Variants in DNA2 observed in about 807,000 individuals in gnomAD.
DNA2 encodes the protein DNA replication ATP-dependent helicase/nuclease DNA2.
DNA2 carries 101 observed loss-of-function variants against 119.1 expected under a neutral mutation model. The observed-to-expected ratio is 0.85, with a 90% CI of 0.72 to 1.00. The LOEUF (loss-of-function observed/expected upper bound fraction) is 1.00, where lower values mean the gene tolerates loss of function less well. Among genes scored for constraint, DNA2 ranks in the 50% least tolerant of loss-of-function variants. The pLI, the probability that DNA2 is intolerant of heterozygous loss-of-function variation, is 0.00. For synonymous variants in DNA2, 366 were observed against 424.4 expected (o/e 0.86, Z 1.69); for missense variants, 1,121 against 1,255.5 (o/e 0.89, Z 1.62).
chr10:68,471,804 G>C lies in DNA2; in HGVS notation c.61C>G (p.Leu21Val), dbSNP rs1202792110. The change falls in exon 1 of 21, where the codon CTG (leucine) becomes GTG (valine). Residue 21 changes from leucine (L) to valine (V), a missense_variant. Physicochemically the swap from Leu to Val is conservative, Grantham distance 32 (BLOSUM62 1). Coordinates refer to ENST00000358410, the MANE Select transcript of DNA2 (RefSeq NM_001080449.3). ...MEKSFWEEAELPAELFQKKVV... is the reference protein window; with the variant it reads ...MEKSFWEEAEVPAELFQKKVV... ...CTCTCCGCTCACAGCTCCGCCGGCAGCTCCGCCTCCTCCCAAAAACTCTTC... is the reference window on the plus strand; with the variant it reads ...CTCTCCGCTCACAGCTCCGCCGGCACCTCCGCCTCCTCCCAAAAACTCTTC... The C allele has an allele frequency of 1.2e-6, 2 of 1,604,288 alleles. No homozygotes were observed. The highest frequency in any genetic ancestry group is 1.3e-5 in the African/African-American group (1 of 74,404).
In DNA2 at chr10:68,461,783, ATGCCAC is replaced by A. The variant is rs1328633493; in HGVS notation, c.588-2554_588-2549del. Among the ~76,000 whole-genome samples, 3 of 149,002 alleles carry A rather than the reference ATGCCAC, an allele frequency of 2.0e-5. No individual in the cohort carries two copies. In the Admixed American group the frequency reaches 2.1e-4, roughly 10 times the overall value. The stretch of plus-strand genomic sequence containing the variant: ...GCGGAGGTTTCGGTGAGCTGAGATC[ATGCCAC>A]TGCACTCCAGCCTGGGAAACAAGAG... On this transcript the variant is annotated intron_variant, in intron 4 of 20. Transcript: ENST00000358410.
intron 1 of DNA2, among the ~76,000 whole-genome samples, chr10:68,471,415 C>A (rs1468127496): frequency 2.0e-5 from 3 of 152,180 alleles, no homozygotes; most frequent in Non-Finnish European, 4.4e-5. Context: ...CATTTATATA[C>A]ACCATGCTGA....
At chr10:68,422,198 A>G in intron 17 of DNA2, 27 bp downstream of exon 17, 1 of 1,484,088 alleles carries the variant, frequency 6.7e-7, no homozygotes, top group Non-Finnish European at 9.0e-7. Flanking sequence ...AAAATGAGAA[A>G]AACTAAACAG....
intron 3 of DNA2, among the ~76,000 whole-genome samples, chr10:68,467,260 A>G (rs971339449): frequency 2.0e-5 from 3 of 151,776 alleles, no homozygotes; most frequent in Non-Finnish European, 4.4e-5. Context: ...ACAGGCGCGC[A>G]CCACAACGCC....
chr10:68,448,777 T>C (rs1372095944), intron 6 of DNA2, among the ~76,000 whole-genome samples: 2 of 149,504 alleles, frequency 1.3e-5, no homozygotes, highest in Admixed American at 6.7e-5. Context: ...GAAATGCTTT[T>C]ATTTATTTAT....
At chr10:68,455,370 CT>C (rs964101657) in intron 5 of DNA2, among the ~76,000 whole-genome samples, 8 of 152,274 alleles carry the variant, frequency 5.3e-5, no homozygotes, top group South Asian at 2.1e-4. Context: ...TATCCAACCC[CT>C]ATGTCAGTCT....
intron 3 of DNA2, 112 bp from the exon 4 acceptor site, chr10:68,465,924 G>A (rs1358877827): frequency 2.0e-6 from 2 of 1,010,020 alleles, no homozygotes; most frequent in African/African-American, 1.7e-5. Flanking sequence ...TAAGACAAAT[G>A]CCAAAATATT....
At chr10:68,434,551 C>T (rs1461456021) in intron 10 of DNA2, among the ~76,000 whole-genome samples, 1 of 151,820 alleles carries the variant, frequency 6.6e-6, no homozygotes, top group African/African-American at 2.4e-5. Flanking sequence ...ATGCAAGAGG[C>T]TGAGGTAGAA....
upstream of DNA2, chr10:68,472,053 C>G: frequency 6.3e-7 from 1 of 1,599,942 alleles, no homozygotes; most frequent in Non-Finnish European, 8.5e-7. Flanking sequence ...GGGCCCCTCA[C>G]CTGAGCAGCA....
rs1159435071 is a variant in DNA2, at chr10:68,431,995, A to T, written c.1874-24T>A. 4 of 1,518,444 alleles carry T rather than the reference A, an allele frequency of 2.6e-6. No homozygotes were observed. In the East Asian group the frequency reaches 9.0e-5, roughly 34 times the overall value. The allele number at this position is 1,518,444 out of a possible 1,614,324, so 94.1% of individuals were successfully genotyped here. ...ACCTACATTTAAATTCAAAAATAAC[A>T]GGAAAAAGAGTGTTGAATTTCAAAG... On this transcript the variant is annotated intron_variant, in intron 12 of 20. Coordinates refer to ENST00000358410, the MANE Select transcript of DNA2 (RefSeq NM_001080449.3).
At chr10:68,456,549 G>A (rs1286120672) in intron 5 of DNA2, among the ~76,000 whole-genome samples, 1 of 151,906 alleles carries the variant, frequency 6.6e-6, no homozygotes, top group African/African-American at 2.4e-5. Flanking sequence ...GAGTAGCTGG[G>A]ATTACAGGCA....
chr10:68,439,486 G>A (rs2051938052), intron 9 of DNA2, among the ~76,000 whole-genome samples: 1 of 152,000 alleles, frequency 6.6e-6, no homozygotes, highest in Non-Finnish European at 1.5e-5. Flanking sequence ...GGATCACCAC[G>A]AGATCAGGAG....
intron 14 of DNA2, 111 bp downstream of exon 14, chr10:68,430,325 A>T: frequency 2.7e-6 from 2 of 729,878 alleles, no homozygotes; most frequent in South Asian, 1.9e-5. Context: ...CATATAAATT[A>T]ATCATGTGCA....
intron 4 of DNA2, 132 bp from the exon 5 acceptor site, chr10:68,459,367 T>C (rs538509819): frequency 1.1e-6 from 1 of 891,130 alleles, no homozygotes; most frequent in Admixed American, 3.3e-5. Flanking sequence ...ACCCAACTGT[T>C]CGTCAGCCAA....
intron 14 of DNA2, among the ~76,000 whole-genome samples, chr10:68,423,644 G>A (rs1040711595): frequency 1.3e-5 from 2 of 152,188 alleles, no homozygotes; most frequent in African/African-American, 4.8e-5. Flanking sequence ...CTGTAACAAG[G>A]TGCCCCACAC....
chr10:68,443,098 G>GT lies in DNA2; in HGVS notation c.1233dup (p.Gln412ThrfsTer5). 6.4e-7 allele frequency: 1 copy of GT among 1,567,764 alleles called. No homozygotes were observed. On this transcript the variant is annotated frameshift_variant, in exon 9 of 21. Transcript: ENST00000358410. LOFTEE classifies it high-confidence loss of function. Reference sequence around the variant, plus strand: ...ATTGGGACTGAACTACAATCCATCTGTTGTTCAACTGCTCTAAATATAAAG... The same window carrying GT: ...ATTGGGACTGAACTACAATCCATCTGTTTGTTCAACTGCTCTAAATATAAAG...
In DNA2 at chr10:68,462,633, T is replaced by C. The variant is rs555165679; in HGVS notation, c.587+3034A>G. On this transcript the variant is annotated intron_variant, in intron 4 of 20. Transcript: ENST00000358410. The stretch of plus-strand genomic sequence containing the variant: ...AATCTTAATAACTACTCTAGGGTGG[T>C]AGGGGCTTATCAGTTTGTATATAAA... Among the ~76,000 whole-genome samples the C allele has an allele frequency of 3.3e-5, 5 of 152,292 alleles. No individual in the cohort carries two copies. In the East Asian group the frequency reaches 9.7e-4, roughly 29 times the overall value.
chr10:68,452,627 A>G (rs950805532), intron 5 of DNA2, among the ~76,000 whole-genome samples: 1 of 151,888 alleles, frequency 6.6e-6, no homozygotes, highest in Non-Finnish European at 1.5e-5. Context: ...GCTGGAATGC[A>G]GTAGCACGAA....
chr10:68,429,710 TCAAA>T (rs1318699236), intron 14 of DNA2, among the ~76,000 whole-genome samples: 1 of 3,352 alleles, frequency 3.0e-4, no homozygotes, highest in African/African-American at 1.2e-3. Flanking sequence ...AGACTCCATC[TCAAA>T]AAAAAAAAAA....
Sources: gnomAD v4.1 joint callset for allele counts (sites outside exome capture counted in the v4.1 genomes callset) on GRCh38, gnomAD v4.1.1 for gene constraint, MANE v1.5 for transcripts, NCBI Gene and HGNC (gene_info 2026-07-23, HGNC 2026-07-21) for gene names.